Variants in NRXN1 observed in about 807,000 individuals in gnomAD.
The protein encoded by NRXN1 is neurexin-1.
A neutral mutation model predicts 150.9 loss-of-function variants in NRXN1; 39 were observed. The ratio of observed to expected loss-of-function variants is 0.26; its 90% confidence interval spans 0.20 to 0.34. NRXN1 has a LOEUF of 0.34. Ranked by LOEUF, NRXN1 falls within the 10% of genes least tolerant of loss-of-function variation. The pLI is 1.00. For missense variants in NRXN1, 1,815 were observed against 1,949.9 expected (o/e 0.93, Z 1.30); for synonymous variants, 924 against 757.0 (o/e 1.22, Z -3.62).
rs182897096 is a variant in NRXN1, at chr2:50,821,870, A to C, written c.832+99999T>G. Among the ~76,000 whole-genome samples the C allele has an allele frequency of 3.4e-3, 524 of 152,278 alleles. 4 individuals carry two copies. Among genetic ancestry groups the C allele is most frequent in the African/African-American group, 0.011 (476 of 41,576 alleles). On this transcript the variant is annotated intron_variant, in intron 5 of 22. Transcript: ENST00000401669. ...CATAAGCATCACTGGGCCAGGACAA[A>C]GGTCTCAGAGACTCCAAATCTACTC...
intron 17 of NRXN1, among the ~76,000 whole-genome samples, chr2:50,424,144 GGGGGGAGGAGGAAGGGGAGGAGGAGGA>G (rs2084255958): frequency 8.9e-6 from 1 of 111,990 alleles, no homozygotes; most frequent in Non-Finnish European, 1.9e-5. Context: ...GGAGGAGGAG[GGGGGGAGGAGGAAGGGGAGGAGGAGGA>G]GGGGGAGGAG....
chr2:50,506,832 A>T (rs918569333), intron 12 of NRXN1: 7 of 531,428 alleles, frequency 1.3e-5, no homozygotes, highest in Non-Finnish European at 2.4e-5. Context: ...GCAAGCAAGG[A>T]AAATGACAAC....
chr2:50,398,070 C>G (rs80332997), intron 17 of NRXN1, among the ~76,000 whole-genome samples: 3,370 of 152,188 alleles, frequency 0.022, 121 homozygotes, highest in African/African-American at 0.076. Flanking sequence ...ACATTGCTTT[C>G]CACACACACG....
intron 21 of NRXN1, among the ~76,000 whole-genome samples, chr2:49,997,129 C>T (rs750339312): frequency 2.0e-5 from 3 of 152,144 alleles, no homozygotes; most frequent in African/African-American, 4.8e-5. Flanking sequence ...GAACACAGTA[C>T]GTTTGAAATA....
intron 17 of NRXN1, among the ~76,000 whole-genome samples, chr2:50,300,606 C>T: frequency 6.6e-6 from 1 of 152,148 alleles, no homozygotes; most frequent in Admixed American, 6.5e-5. Context: ...CTAACTCTGG[C>T]CAATAGGATG....
At chr2:50,288,545 G>A (rs2072493321) in intron 17 of NRXN1, among the ~76,000 whole-genome samples, 2 of 152,140 alleles carry the variant, frequency 1.3e-5, no homozygotes, top group Admixed American at 1.3e-4. Context: ...AAAGGAAAGA[G>A]GTTTAATTGA....
At chr2:50,097,538 T>C (rs1240771435) in intron 18 of NRXN1, among the ~76,000 whole-genome samples, 1 of 152,142 alleles carries the variant, frequency 6.6e-6, no homozygotes, top group Non-Finnish European at 1.5e-5. Flanking sequence ...GAGCCTATAG[T>C]CACAGTTGTT....
intron 5 of NRXN1, among the ~76,000 whole-genome samples, chr2:50,698,318 T>C (rs145854475): frequency 6.6e-6 from 1 of 152,290 alleles, no homozygotes; most frequent in Non-Finnish European, 1.5e-5. Flanking sequence ...TATACAACGG[T>C]GCTGTCTAGA....
chr2:50,459,625 C>T (rs1439568277), intron 17 of NRXN1, among the ~76,000 whole-genome samples: 2 of 152,066 alleles, frequency 1.3e-5, no homozygotes, highest in Admixed American at 1.3e-4. Context: ...ATCCATTATC[C>T]CACAAAAGAC....
At chr2:50,091,302 G>A (rs200708986) in intron 19 of NRXN1, 21 bp downstream of exon 19, 43 of 1,613,380 alleles carry the variant, frequency 2.7e-5, no homozygotes, top group African/African-American at 4.0e-5. Context: ...ATCTTCCCCC[G>A]ATACATATTC....
intron 17 of NRXN1, among the ~76,000 whole-genome samples, chr2:50,362,668 C>A (rs2079304710): frequency 1.3e-5 from 2 of 152,102 alleles, no homozygotes; most frequent in African/African-American, 4.8e-5. Context: ...GCCATACTGC[C>A]CAAAGTAATT....
At chr2:50,668,212 T>C (rs1333308390) in intron 5 of NRXN1, among the ~76,000 whole-genome samples, 1 of 151,978 alleles carries the variant, frequency 6.6e-6, no homozygotes, top group Non-Finnish European at 1.5e-5. Context: ...TCACAGATCA[T>C]ACACTATATG....
At chr2:50,942,863 T>C (rs571643819) in intron 2 of NRXN1, among the ~76,000 whole-genome samples, 1 of 152,248 alleles carries the variant, frequency 6.6e-6, no homozygotes, top group South Asian at 2.1e-4. Context: ...ATGATTGGTT[T>C]TGAAATGTGA....
At chr2:50,885,270 A>C (rs1680057809) in intron 5 of NRXN1, among the ~76,000 whole-genome samples, 1 of 151,480 alleles carries the variant, frequency 6.6e-6, no homozygotes, top group Admixed American at 6.6e-5. Flanking sequence ...CCAATGGTTC[A>C]TTCTTTATCA....
At chr2:51,018,128 C>T (rs1339089360) in intron 2 of NRXN1, among the ~76,000 whole-genome samples, 2 of 152,094 alleles carry the variant, frequency 1.3e-5, no homozygotes, top group Admixed American at 6.6e-5. Context: ...ACCTCCTAAG[C>T]TCTCATCAGT....
At chr2:50,515,685 G>C (rs536422961) in intron 12 of NRXN1, among the ~76,000 whole-genome samples, 6 of 149,736 alleles carry the variant, frequency 4.0e-5, no homozygotes, top group Non-Finnish European at 7.4e-5. Context: ...AGGTTTCTAC[G>C]TATATCAACT....
chr2:50,983,483 C>G (rs532773666), intron 2 of NRXN1, among the ~76,000 whole-genome samples: 2 of 152,144 alleles, frequency 1.3e-5, no homozygotes, highest in African/African-American at 4.8e-5. Context: ...TGGCCTTAGT[C>G]TTTTCTTACT....
intron 21 of NRXN1, among the ~76,000 whole-genome samples, chr2:49,978,602 A>G (rs1432631362): frequency 6.6e-6 from 1 of 152,032 alleles, no homozygotes; most frequent in Non-Finnish European, 1.5e-5. Flanking sequence ...GCTTTAAGCA[A>G]AGCTAATGCC....
At chr2:50,059,741 G>C (rs963929484) in intron 19 of NRXN1, among the ~76,000 whole-genome samples, 4 of 152,202 alleles carry the variant, frequency 2.6e-5, no homozygotes, top group Non-Finnish European at 4.4e-5. Context: ...GTGGCTAAAA[G>C]GGGCAAATGT....
Sources: gnomAD v4.1 joint callset for allele counts (sites outside exome capture counted in the v4.1 genomes callset) on GRCh38, gnomAD v4.1.1 for gene constraint, MANE v1.5 for transcripts, NCBI Gene and HGNC (gene_info 2026-07-23, HGNC 2026-07-21) for gene names.